C2orf76: variants seen among roughly 807,000 people sequenced by gnomAD.
C2orf76 encodes UPF0538 protein C2orf76.
In C2orf76, 23 loss-of-function variants were observed where a neutral mutation model predicts 16.9. The ratio of observed to expected loss-of-function variants is 1.36; its 90% CI spans 0.98 to 1.93. The LOEUF (loss-of-function observed/expected upper bound fraction) is 1.93, where lower values mean the gene tolerates loss of function less well. C2orf76 is among the 30% of genes most tolerant of loss of function. C2orf76 has a pLI of 0.00. For synonymous variants in C2orf76, 48 were observed against 52.3 expected (o/e 0.92, Z 0.35); for missense variants, 152 against 152.6 (o/e 1.00, Z 0.02).
At chr2:119,287,328 C>A in the C2orf76 span, among the ~76,000 whole-genome samples, 1 of 152,106 alleles carries the variant, frequency 6.6e-6, no homozygotes, top group Admixed American at 6.6e-5. Context: ...GCAATATCCA[C>A]ATAATGGAAG....
chr2:119,332,533 G>T (rs1416551859), intron 2 of C2orf76, among the ~76,000 whole-genome samples: 1 of 150,872 alleles, frequency 6.6e-6, no homozygotes. Flanking sequence ...TTAACATGTA[G>T]TCATATTACT....
At chr2:119,311,513 G>T (rs112843164) in intron 5 of C2orf76, 109 bp downstream of exon 5, 76 of 1,472,320 alleles carry the variant, frequency 5.2e-5, no homozygotes, top group Non-Finnish European at 6.4e-5. Flanking sequence ...GTGTCAGGGG[G>T]ACCAAGGACA....
intron 1 of C2orf76, among the ~76,000 whole-genome samples, chr2:119,365,356 C>T (rs1440809231): frequency 2.6e-5 from 4 of 152,196 alleles, no homozygotes; most frequent in Non-Finnish European, 5.9e-5. Flanking sequence ...ACCTGCATTT[C>T]TTACACTTCA....
At chr2:119,346,110 AT>A (rs1275384006) in intron 1 of C2orf76, among the ~76,000 whole-genome samples, 2 of 151,988 alleles carry the variant, frequency 1.3e-5, no homozygotes, top group African/African-American at 4.8e-5. Flanking sequence ...TTACATACCT[AT>A]CAGGATGGCT....
chr2:119,334,707 T>A (rs1388713564), intron 2 of C2orf76, among the ~76,000 whole-genome samples: 8 of 144,766 alleles, frequency 5.5e-5, no homozygotes, highest in African/African-American at 1.4e-4. Context: ...AAACAAAATA[T>A]ATATATATAT....
chr2:119,340,101 T>G, intron 1 of C2orf76, 130 bp from the exon 2 acceptor site: 1 of 1,024,460 alleles, frequency 9.8e-7, no homozygotes, highest in Non-Finnish European at 1.4e-6. Context: ...ACTGACAGAG[T>G]TCCCAAACAG....
chr2:119,350,617 C>CT (rs1680369431), intron 1 of C2orf76, among the ~76,000 whole-genome samples: 1 of 152,202 alleles, frequency 6.6e-6, no homozygotes, highest in Non-Finnish European at 1.5e-5. Flanking sequence ...TCTGCAGCTG[C>CT]TTTTTTGGTC....
chr2:119,322,969 C>T (rs1184677921), intron 2 of C2orf76, among the ~76,000 whole-genome samples: 1 of 152,038 alleles, frequency 6.6e-6, no homozygotes, highest in Non-Finnish European at 1.5e-5. Flanking sequence ...AATGTGTTAC[C>T]TACTAAAGAA....
chr2:119,339,505 T>C (rs1030510301), intron 2 of C2orf76, among the ~76,000 whole-genome samples: 1 of 150,850 alleles, frequency 6.6e-6, no homozygotes, highest in Non-Finnish European at 1.5e-5. Flanking sequence ...TCAGCTACAC[T>C]ACACCCGCTT....
chr2:119,353,556 C>CTTTTT (rs755724739), intron 1 of C2orf76, among the ~76,000 whole-genome samples: 4 of 124,574 alleles, frequency 3.2e-5, no homozygotes, highest in African/African-American at 6.0e-5. Context: ...CAAGAATTTT[C>CTTTTT]TTTTTTTTTT....
At chr2:119,321,774 C>T (rs1485053109) in intron 2 of C2orf76, among the ~76,000 whole-genome samples, 1 of 151,884 alleles carries the variant, frequency 6.6e-6, no homozygotes, top group Non-Finnish European at 1.5e-5. Context: ...TTCAGTAACA[C>T]TATTAAAAGA....
At chr2:119,351,555 A>G (rs1680406251) in intron 1 of C2orf76, among the ~76,000 whole-genome samples, 1 of 152,170 alleles carries the variant, frequency 6.6e-6, no homozygotes, top group Admixed American at 6.5e-5. Flanking sequence ...GTTTGAGATC[A>G]GCCTGGGCAA....
chr2:119,283,603 T>C, the C2orf76 span, among the ~76,000 whole-genome samples: 1 of 151,794 alleles, frequency 6.6e-6, no homozygotes, highest in Non-Finnish European at 1.5e-5. Flanking sequence ...GCCTCTGGAG[T>C]AGCTGAGATT....
intron 2 of C2orf76, among the ~76,000 whole-genome samples, chr2:119,322,338 C>T (rs1376928831): frequency 1.3e-5 from 2 of 152,052 alleles, no homozygotes. Flanking sequence ...CCCCAAGTAG[C>T]TGGGATTACA....
chr2:119,367,110 C>T (rs1034269379), upstream of C2orf76: 5 of 1,610,584 alleles, frequency 3.1e-6, no homozygotes, highest in South Asian at 3.3e-5. Context: ...GCGGGAGGCC[C>T]GTTGGGGGCT....
chr2:119,323,476 C>G (rs77234924), intron 2 of C2orf76, among the ~76,000 whole-genome samples: 1 of 152,116 alleles, frequency 6.6e-6, no homozygotes, highest in Admixed American at 6.5e-5. Context: ...ACAGCGTGTG[C>G]TCCAGTGGTG....
At chr2:119,348,607 A>G (rs1347597954) in intron 1 of C2orf76, among the ~76,000 whole-genome samples, 1 of 152,098 alleles carries the variant, frequency 6.6e-6, no homozygotes, top group Non-Finnish European at 1.5e-5. Context: ...ATTCGCTTGA[A>G]CCGGGGAGGC....
chr2:119,328,028 C>T (rs1393805229), intron 2 of C2orf76, among the ~76,000 whole-genome samples: 1 of 151,860 alleles, frequency 6.6e-6, no homozygotes, highest in Non-Finnish European at 1.5e-5. Context: ...CTGCCCCCCT[C>T]CTTTTTTTTT....
At chr2:119,336,640 G>T (rs1679855652) in intron 2 of C2orf76, among the ~76,000 whole-genome samples, 1 of 151,864 alleles carries the variant, frequency 6.6e-6, no homozygotes, top group Non-Finnish European at 1.5e-5. Flanking sequence ...CGAAAGAAAA[G>T]AACATTTAGA....
Sources: allele counts gnomAD v4.1 joint callset (sites outside exome capture counted in the v4.1 genomes callset), GRCh38; gene constraint gnomAD v4.1.1; transcripts MANE v1.5; gene names NCBI Gene and HGNC (gene_info 2026-07-23, HGNC 2026-07-21).